Variants in RNF150 observed in about 807,000 individuals in gnomAD.
The protein encoded by RNF150 is ring finger protein 150.
Under a neutral mutation model 39.3 loss-of-function variants are expected in RNF150, and 24 were observed. The ratio of observed to expected loss-of-function variants is 0.61; its 90% CI spans 0.44 to 0.86. The LOEUF (loss-of-function observed/expected upper bound fraction) is 0.86. Among genes scored for constraint, RNF150 ranks in the 40% least tolerant of loss-of-function variants. RNF150 has a pLI of 0.00. For synonymous variants in RNF150, 255 were observed against 227.3 expected (o/e 1.12, Z -1.10); for missense variants, 502 against 587.8 (o/e 0.85, Z 1.51).
intron 1 of RNF150, among the ~76,000 whole-genome samples, chr4:141,148,862 T>A (rs1294364647): frequency 6.6e-6 from 1 of 152,230 alleles, no homozygotes; most frequent in Non-Finnish European, 1.5e-5. Context: ...TCCAACTCAG[T>A]TTAGGCTCAG....
At chr4:141,086,509 G>A (rs1296255299) in intron 1 of RNF150, among the ~76,000 whole-genome samples, 2 of 151,866 alleles carry the variant, frequency 1.3e-5, no homozygotes, top group Admixed American at 1.3e-4. Flanking sequence ...TTAGTAGAGG[G>A]TATGTACAAA....
rs188681686 is a variant in RNF150 at position 141,097,620 on chromosome 4, T to C, written c.484+34705A>G. Among the ~76,000 whole-genome samples the C allele has an allele frequency of 1.2e-4, 18 of 152,290 alleles. No individual in the cohort carries two copies. The East Asian group carries it at 3.5e-3, about 29-fold the overall frequency. The stretch of plus-strand genomic sequence containing the variant: ...TCTAATACTAGATATTGTGCTGTTT[T>C]TCTTAATCATTGCCAGTTTTATGTA... On this transcript the variant is annotated intron_variant, in intron 1 of 6. Coordinates refer to ENST00000515673, the MANE Select transcript of RNF150 (RefSeq NM_020724.2).
chr4:141,066,404 A>C (rs1737463771), intron 1 of RNF150, among the ~76,000 whole-genome samples: 1 of 152,222 alleles, frequency 6.6e-6, no homozygotes. Flanking sequence ...GTGAACAAAT[A>C]AGCAAACAGA....
chr4:141,139,782 G>C (rs1299331437), intron 1 of RNF150, among the ~76,000 whole-genome samples: 1 of 152,118 alleles, frequency 6.6e-6, no homozygotes, highest in Non-Finnish European at 1.5e-5. Flanking sequence ...GGAGTAACTT[G>C]CCCGAGGCCA....
chr4:141,121,245 T>C (rs1015075071), intron 1 of RNF150, among the ~76,000 whole-genome samples: 4 of 152,170 alleles, frequency 2.6e-5, no homozygotes, highest in African/African-American at 9.7e-5. Context: ...CAGTTCTTCC[T>C]AGAACAGTGG....
chr4:141,041,931 T>C (rs1736390704), intron 1 of RNF150, among the ~76,000 whole-genome samples: 1 of 152,042 alleles, frequency 6.6e-6, no homozygotes, highest in Non-Finnish European at 1.5e-5. Flanking sequence ...ATATATAATC[T>C]AATTTATTTT....
intron 5 of RNF150, among the ~76,000 whole-genome samples, chr4:140,921,591 A>C (rs1331452032): frequency 3.9e-5 from 6 of 152,224 alleles, no homozygotes; most frequent in African/African-American, 1.4e-4. Flanking sequence ...CAATACAAAA[A>C]GAGGGAACCC....
intron 1 of RNF150, among the ~76,000 whole-genome samples, chr4:141,149,713 CT>C (rs879423379): frequency 6.6e-6 from 1 of 152,144 alleles, no homozygotes; most frequent in Non-Finnish European, 1.5e-5. Context: ...GTGCAAGTAT[CT>C]TTTTCGTATG....
chr4:140,978,856 A>G (rs1372747221), intron 1 of RNF150, among the ~76,000 whole-genome samples: 3 of 152,184 alleles, frequency 2.0e-5, no homozygotes, highest in Non-Finnish European at 4.4e-5. Context: ...GGCTGAAATG[A>G]AACAAATCAT....
intron 1 of RNF150, among the ~76,000 whole-genome samples, chr4:141,028,276 A>C: frequency 6.6e-6 from 1 of 152,206 alleles, no homozygotes; most frequent in African/African-American, 2.4e-5. Flanking sequence ...TCAGAATCCT[A>C]GGTGATTAAT....
chr4:141,177,467 A>C (rs943298327), intron 1 of RNF150, among the ~76,000 whole-genome samples: 9 of 79,516 alleles, frequency 1.1e-4, no homozygotes, highest in African/African-American at 3.9e-4. Flanking sequence ...ACAGGGCATT[A>C]TTGATTCTTT....
chr4:140,956,834 G>C lies in RNF150; in HGVS notation c.736-7462C>G, dbSNP rs1293412401. 5.3e-5 allele frequency among the ~76,000 whole-genome samples: 8 copies of C among 151,318 alleles called. No homozygotes were observed. The South Asian group carries it at 1.5e-3, about 28-fold the overall frequency. Reference sequence around the variant, plus strand: ...ATTCCCTATTTAATAAATGGTGCTGGGAAAACTGGCTAGACATATGTAGAA... The same window carrying C: ...ATTCCCTATTTAATAAATGGTGCTGCGAAAACTGGCTAGACATATGTAGAA... On this transcript the variant is annotated intron_variant, in intron 2 of 6. Transcript: ENST00000515673.
At chr4:140,940,813 G>A (rs1228205196) in intron 4 of RNF150, among the ~76,000 whole-genome samples, 1 of 152,132 alleles carries the variant, frequency 6.6e-6, no homozygotes, top group Non-Finnish European at 1.5e-5. Context: ...TAGCTAGCTG[G>A]CAATCCACGA....
intron 1 of RNF150, among the ~76,000 whole-genome samples, chr4:141,058,269 G>A (rs1245147120): frequency 2.6e-5 from 4 of 151,982 alleles, no homozygotes; most frequent in Admixed American, 2.6e-4. Context: ...AAGGGTGGAA[G>A]GGGAGGAGAA....
At chr4:141,198,657 G>A (rs1028788465) in intron 1 of RNF150, among the ~76,000 whole-genome samples, 1 of 152,130 alleles carries the variant, frequency 6.6e-6, no homozygotes, top group African/African-American at 2.4e-5. Flanking sequence ...GAAGGTTTTG[G>A]GGTTAGAAAA....
At chr4:141,053,713 G>A in intron 1 of RNF150, 2 of 1,414,572 alleles carry the variant, frequency 1.4e-6, no homozygotes, top group Non-Finnish European at 1.8e-6. Flanking sequence ...CAGGGGCTGG[G>A]CATGAGAAGA....
At position 141,196,827 on chromosome 4, in the gene RNF150, T is replaced by C. The variant is rs114882613; in HGVS notation, c.-6+15967A>G. Among the ~76,000 whole-genome samples the C allele has an allele frequency of 3.9e-3, 588 of 152,284 alleles. 5 individuals carry two copies. Among genetic ancestry groups the C allele is most frequent in the African/African-American group, 0.014 (572 of 41,564 alleles). On this transcript the variant is annotated intron_variant, in intron 1 of 7. Coordinates refer to the RNF150 transcript ENST00000420921. The stretch of plus-strand genomic sequence containing the variant: ...CACCCTTCCCCTGCCTCAGCACAAG[T>C]GACTGATTCCTTTAATTTCCCATCT...
chr4:140,960,360 T>A (rs1214906175), intron 2 of RNF150, among the ~76,000 whole-genome samples: 1 of 152,162 alleles, frequency 6.6e-6, no homozygotes, highest in African/African-American at 2.4e-5. Flanking sequence ...CAGCTAGAAC[T>A]CCTAAAATGC....
At chr4:141,086,252 T>C (rs1738362471) in intron 1 of RNF150, among the ~76,000 whole-genome samples, 1 of 152,210 alleles carries the variant, frequency 6.6e-6, no homozygotes, top group South Asian at 2.1e-4. Context: ...TCTATTTATC[T>C]CTGATGAAGG....
Sources: allele counts gnomAD v4.1 joint callset (sites outside exome capture counted in the v4.1 genomes callset), GRCh38; gene constraint gnomAD v4.1.1; transcripts MANE v1.5; gene names NCBI Gene and HGNC (gene_info 2026-07-23, HGNC 2026-07-21).